CFAP90: variants seen among roughly 807,000 people sequenced by gnomAD.
The protein encoded by CFAP90 is cilia and flagella associated protein 90, also known as cilia- and flagella-associated protein 90.
chr5:7,843,641 A>G, the CFAP90 span, among the ~76,000 whole-genome samples: 5,293 of 152,006 alleles, frequency 0.035, 137 homozygotes, highest in Non-Finnish European at 0.058. Flanking sequence ...CCAGCTCCCT[A>G]CTCACCCCTC....
the CFAP90 span, chr5:7,831,839 A>G: frequency 3.1e-6 from 5 of 1,603,088 alleles, no homozygotes; most frequent in Middle Eastern, 2.0e-4. Context: ...CCTGTGGGCC[A>G]CGGGGATGCT....
chr5:7,841,526 G>A, the CFAP90 span, among the ~76,000 whole-genome samples: 923 of 152,176 alleles, frequency 6.1e-3, 5 homozygotes, highest in Non-Finnish European at 9.5e-3. Context: ...ACATGCACAC[G>A]TATGTTCAAC....
chr5:7,850,658 C>T, the CFAP90 span, among the ~76,000 whole-genome samples: 1 of 144,684 alleles, frequency 6.9e-6, no homozygotes, highest in East Asian at 2.1e-4. Flanking sequence ...AGGTGAGCCC[C>T]GCCCCCAGGC....
the CFAP90 span, among the ~76,000 whole-genome samples, chr5:7,832,295 C>T: frequency 6.6e-6 from 1 of 152,130 alleles, no homozygotes; most frequent in Non-Finnish European, 1.5e-5. Flanking sequence ...CCCGTTTGTC[C>T]CTGTGCTCTT....
the CFAP90 span, among the ~76,000 whole-genome samples, chr5:7,832,475 C>T: frequency 2.0e-5 from 3 of 152,046 alleles, no homozygotes; most frequent in Admixed American, 1.3e-4. Flanking sequence ...TACCACTCAT[C>T]ACTACCTAGA....
chr5:7,848,702 C>T, the CFAP90 span, among the ~76,000 whole-genome samples: 3 of 152,252 alleles, frequency 2.0e-5, no homozygotes, highest in East Asian at 1.9e-4. Flanking sequence ...TGGGAGGGAC[C>T]GTCTGGAGAT....
chr5:7,835,449 T>C, the CFAP90 span: 1 of 1,606,700 alleles, frequency 6.2e-7, no homozygotes, highest in Non-Finnish European at 8.5e-7. Flanking sequence ...CTTCTGATCA[T>C]AATCTAGGCG....
chr5:7,841,531 T>A, the CFAP90 span, among the ~76,000 whole-genome samples: 2 of 152,092 alleles, frequency 1.3e-5, no homozygotes, highest in Non-Finnish European at 1.5e-5. Flanking sequence ...CACACGTATG[T>A]TCAACGTAGT....
chr5:7,838,457 G>A, the CFAP90 span, among the ~76,000 whole-genome samples: 1 of 152,088 alleles, frequency 6.6e-6, no homozygotes, highest in South Asian at 2.1e-4. Context: ...TTTTGGGATG[G>A]GCCGCCCAGT....
At chr5:7,849,944 C>G in the CFAP90 span, among the ~76,000 whole-genome samples, 1 of 152,080 alleles carries the variant, frequency 6.6e-6, no homozygotes, top group African/African-American at 2.4e-5. Context: ...CGCTGGGCGG[C>G]CCCGGCTTCC....
the CFAP90 span, chr5:7,835,614 GTAT>G: frequency 3.2e-6 from 2 of 632,996 alleles, no homozygotes; most frequent in Non-Finnish European, 5.5e-6. Context: ...CATGTGGTGA[GTAT>G]GTGGTAGGAA....
At chr5:7,835,572 G>A in the CFAP90 span, 10 of 826,574 alleles carry the variant, frequency 1.2e-5, no homozygotes, top group Non-Finnish European at 1.8e-5. Flanking sequence ...GGAGCACAGA[G>A]GCCAGTTCTT....
At chr5:7,849,126 A>G in the CFAP90 span, among the ~76,000 whole-genome samples, 4 of 152,210 alleles carry the variant, frequency 2.6e-5, no homozygotes, top group African/African-American at 4.8e-5. Context: ...ATAAGTTCAC[A>G]TTCTAAGGTA....
the CFAP90 span, chr5:7,831,647 G>T: frequency 1.9e-6 from 1 of 527,610 alleles, no homozygotes; most frequent in Non-Finnish European, 3.4e-6. Context: ...TACTAAAGGT[G>T]TTGTTGGTCA....
the CFAP90 span, among the ~76,000 whole-genome samples, chr5:7,835,897 G>C: frequency 2.0e-3 from 300 of 152,264 alleles, 2 homozygotes; most frequent in African/African-American, 6.8e-3. Context: ...GTGACTTATA[G>C]GCAACAGCAG....
the CFAP90 span, among the ~76,000 whole-genome samples, chr5:7,847,429 G>A: frequency 7.6e-6 from 1 of 131,782 alleles, no homozygotes; most frequent in Non-Finnish European, 1.6e-5. Flanking sequence ...CCAGAAGGTA[G>A]TGATACATTA....
chr5:7,837,976 G>T, the CFAP90 span, among the ~76,000 whole-genome samples: 1 of 152,124 alleles, frequency 6.6e-6, no homozygotes, highest in Non-Finnish European at 1.5e-5. Flanking sequence ...TCTTATTATT[G>T]TCTTCACTCT....
chr5:7,832,116 A>G, the CFAP90 span: 1 of 1,382,366 alleles, frequency 7.2e-7, no homozygotes, highest in Non-Finnish European at 9.9e-7. Context: ...GGGTCCTGGG[A>G]GCTTTTTCTG....
the CFAP90 span, chr5:7,830,499 T>C: frequency 6.6e-6 from 1 of 152,268 alleles, no homozygotes; most frequent in African/African-American, 2.4e-5. Context: ...TTTTCTATTA[T>C]GTTACTATAA....
Sources: allele counts gnomAD v4.1 joint callset (sites outside exome capture counted in the v4.1 genomes callset), GRCh38; gene constraint gnomAD v4.1.1; transcripts MANE v1.5; gene names NCBI Gene and HGNC (gene_info 2026-07-23, HGNC 2026-07-21).